The following CERKL variants were observed in gnomAD, a reference collection of about 807,000 sequenced individuals.
CERKL encodes ceramide kinase-like protein.
In CERKL, 61 loss-of-function variants were observed where a neutral mutation model predicts 63.4. That is an observed-to-expected ratio of 0.96 (90% confidence interval 0.78 to 1.19). CERKL has a LOEUF of 1.19. Among genes scored for constraint, CERKL ranks in the 50% most tolerant of loss-of-function variants. The probability of loss-of-function intolerance (pLI) is 0.00; values close to 1 mark genes in which losing one functional copy is unlikely to be tolerated. For synonymous variants in CERKL, 250 were observed against 230.5 expected, an observed-to-expected ratio of 1.08 and a Z score of -0.77; for missense variants, 675 against 655.5, an observed-to-expected ratio of 1.03 and a Z score of -0.33.
At chr2:181,608,854 T>C (rs988829103) in intron 1 of CERKL, among the ~76,000 whole-genome samples, 9 of 152,102 alleles carry the variant, frequency 5.9e-5, no homozygotes, top group African/African-American at 2.2e-4. Flanking sequence ...CTTAATGCCA[T>C]TAGGCCTAAT....
At chr2:181,549,935 T>C (rs1687915614) in intron 5 of CERKL, among the ~76,000 whole-genome samples, 1 of 152,168 alleles carries the variant, frequency 6.6e-6, no homozygotes, top group South Asian at 2.1e-4. Context: ...TACTTAGAAA[T>C]TTAAAAATAG....
chr2:181,644,471 G>A (rs1032206426), intron 1 of CERKL, among the ~76,000 whole-genome samples: 6 of 152,218 alleles, frequency 3.9e-5, no homozygotes, highest in African/African-American at 1.4e-4. Flanking sequence ...CAATGAAAAA[G>A]ATATTTTCTG....
At chr2:181,641,667 TAAAC>T (rs1011253707) in intron 1 of CERKL, among the ~76,000 whole-genome samples, 1 of 152,172 alleles carries the variant, frequency 6.6e-6, no homozygotes, top group African/African-American at 2.4e-5. Context: ...GGGAAGAAAG[TAAAC>T]AAACATTTTC....
intron 5 of CERKL, among the ~76,000 whole-genome samples, chr2:181,551,379 A>G (rs183995239): frequency 1.5e-3 from 225 of 152,256 alleles, no homozygotes; most frequent in East Asian, 5.4e-3. Flanking sequence ...TGAACAGGCA[A>G]CCTACAGAAT....
chr2:181,539,225 CT>C lies in CERKL; in HGVS notation c.1404del (p.Val469Ter), dbSNP rs1238123416. 3.1e-6 allele frequency: 5 copies of C among 1,601,540 alleles called. No individual in the cohort carries two copies. In the East Asian group the frequency reaches 1.1e-4, roughly 36 times the overall value. The stretch of plus-strand genomic sequence containing the variant: ...GTATTATTCCTTGGATGAACTTTTA[CT>C]TCCTCAACAGTGTAAGTCTCAACAA... ...FPFVETYTVE[E>X]VKVHPRNNTG... is the part of the protein sequence containing the mutation. On this transcript the variant is annotated frameshift_variant, in exon 12 of 13. Transcript: ENST00000410087. LOFTEE classifies it high-confidence loss of function.
intron 1 of CERKL, among the ~76,000 whole-genome samples, chr2:181,645,034 G>T (rs1687610233): frequency 6.6e-6 from 1 of 152,076 alleles, no homozygotes; most frequent in Non-Finnish European, 1.5e-5. Flanking sequence ...CTACTTCAGT[G>T]GGCTTTAAAC....
chr2:181,566,567 C>T (rs908081672), intron 3 of CERKL, among the ~76,000 whole-genome samples: 11 of 152,046 alleles, frequency 7.2e-5, no homozygotes, highest in Admixed American at 2.0e-4. Flanking sequence ...GATTTACAAA[C>T]CAGAAGAATG....
At chr2:181,574,526 T>C (rs1344594638) in intron 2 of CERKL, among the ~76,000 whole-genome samples, 1 of 152,200 alleles carries the variant, frequency 6.6e-6, no homozygotes, top group Admixed American at 6.5e-5. Flanking sequence ...GATTCAATGA[T>C]AGTGCTGCCT....
At chr2:181,648,398 T>TAAAAGAACAA (rs1285857745) in intron 1 of CERKL, among the ~76,000 whole-genome samples, 1 of 151,108 alleles carries the variant, frequency 6.6e-6, no homozygotes, top group Non-Finnish European at 1.5e-5. Context: ...TTCAAGATGC[T>TAAAAGAACAA]AAAAGAACAA....
Position 181,656,958 on chromosome 2 carries a change from G to A in CERKL, c.49C>T (p.Arg17Trp), listed in dbSNP as rs781205724. 1.0e-5 allele frequency: 16 copies of A among 1,583,262 alleles called. No homozygotes were observed. The highest frequency in any genetic ancestry group is 1.4e-5 in the African/African-American group (1 of 74,004). ...RNRVSALEGGREEEAPPEAAA... is the reference protein window; with the variant it reads ...RNRVSALEGGWEEEAPPEAAA... ...GCCTCCGGGGGCGCCTCTTCCTCCC[G>A]GCCGCCCTCCAGGGCACTCACCCGG... The change falls in exon 1 of 13, where the codon CGG (arginine) becomes TGG (tryptophan). Residue 17 changes from arginine (R) to tryptophan (W), a missense_variant. Physicochemically the swap from Arg to Trp is moderately radical, Grantham distance 101. Transcript: ENST00000410087.
intron 1 of CERKL, among the ~76,000 whole-genome samples, chr2:181,642,127 T>C (rs1307984569): frequency 6.6e-6 from 1 of 152,244 alleles, no homozygotes; most frequent in Non-Finnish European, 1.5e-5. Flanking sequence ...AACTAAATTT[T>C]TTTCTAAAGA....
intron 3 of CERKL, among the ~76,000 whole-genome samples, chr2:181,570,064 C>A (rs945232667): frequency 6.6e-6 from 1 of 151,894 alleles, no homozygotes; most frequent in Non-Finnish European, 1.5e-5. Flanking sequence ...AATATTGAGC[C>A]AATATGCATA....
At chr2:181,616,673 G>GA (rs112759280) in intron 1 of CERKL, among the ~76,000 whole-genome samples, 448 of 152,166 alleles carry the variant, frequency 2.9e-3, no homozygotes, top group African/African-American at 9.9e-3. Flanking sequence ...CAGTATAATA[G>GA]AAATGAGAGC....
At position 181,604,076 on chromosome 2, in the gene CERKL, T is replaced by G. The variant is rs61750041; in HGVS notation, c.242A>C (p.Asp81Ala). The G allele has an allele frequency of 0.14, 218,074 of 1,591,672 alleles. 16,562 individuals carry two copies. The highest frequency in any genetic ancestry group is 0.24 in the East Asian group (10,732 of 44,500). Reference protein sequence around the residue: ...RPIQPERPAGDSKYDLLCKEE... With the variant: ...RPIQPERPAGASKYDLLCKEE... ...TTTACATAGCAAGTCATACTTAGAA[T>G]CACCTGAAAAAAAAATAAATTTTCC... is the stretch of plus-strand genomic sequence containing the variant. The change falls in exon 2 of 13, where the codon GAT becomes GCT. Residue 81 changes from aspartate (D) to alanine (A), a missense_variant. By Grantham distance (126) the Asp-to-Ala change is moderately radical. Coordinates refer to ENST00000410087, the MANE Select transcript of CERKL (RefSeq NM_201548.5).
intron 4 of CERKL, among the ~76,000 whole-genome samples, chr2:181,562,736 T>G (rs1300664638): frequency 6.6e-6 from 1 of 152,140 alleles, no homozygotes; most frequent in Non-Finnish European, 1.5e-5. Context: ...GTGATAAAGA[T>G]TTTTTTAATG....
intron 11 of CERKL, 141 bp downstream of exon 11, chr2:181,544,559 T>G: frequency 6.8e-6 from 4 of 585,334 alleles, no homozygotes; most frequent in Non-Finnish European, 6.0e-6. Context: ...TTGGATGAAA[T>G]AGATTGGGAA....
chr2:181,565,592 TTTA>T, intron 4 of CERKL: 1 of 1,045,212 alleles, frequency 9.6e-7, no homozygotes, highest in Admixed American at 1.7e-5. Flanking sequence ...AAATAATGTA[TTTA>T]TTTACTTGTA....
chr2:181,590,616 G>A (rs1452889854), intron 2 of CERKL, among the ~76,000 whole-genome samples: 1 of 152,108 alleles, frequency 6.6e-6, no homozygotes, highest in Non-Finnish European at 1.5e-5. Flanking sequence ...TGGAATATGG[G>A]AAAATAATAT....
intron 1 of CERKL, among the ~76,000 whole-genome samples, chr2:181,631,998 A>T (rs891081974): frequency 3.9e-5 from 6 of 152,246 alleles, no homozygotes; most frequent in Admixed American, 3.9e-4. Flanking sequence ...AAATTTAAAT[A>T]AAACTATGTA....
Sources: gnomAD v4.1 joint callset for allele counts (sites outside exome capture counted in the v4.1 genomes callset) on GRCh38, gnomAD v4.1.1 for gene constraint, MANE v1.5 for transcripts, NCBI Gene and HGNC (gene_info 2026-07-23, HGNC 2026-07-21) for gene names.